The following GK variants were observed in gnomAD, a reference collection of about 807,000 sequenced individuals.
GK encodes ATP:glycerol 3-phosphotransferase.
Under a neutral mutation model 56.4 loss-of-function variants are expected in GK, and 9 were observed. That is an observed-to-expected ratio of 0.16 (90% CI 0.10 to 0.28). The LOEUF (loss-of-function observed/expected upper bound fraction) is 0.28, where lower values mean the gene tolerates loss of function less well. Ranked by LOEUF, GK falls within the 10% of genes least tolerant of loss-of-function variation. The pLI is 1.00. For missense variants in GK, 161 were observed against 431.4 expected, an observed-to-expected ratio of 0.37 and a Z score of 5.55; for synonymous variants, 104 against 144.1, an observed-to-expected ratio of 0.72 and a Z score of 1.99.
intron 5 of GK, among the ~76,000 whole-genome samples, chrX:30,692,840 G>C: frequency 9.2e-6 from 1 of 108,549 alleles, no homozygotes; most frequent in South Asian, 3.9e-4. Context: ...TAATTTACAG[G>C]TTGCATTAAA....
At chrX:30,662,436 T>G (rs981958487) in intron 1 of GK, among the ~76,000 whole-genome samples, 2 of 111,899 alleles carry the variant, frequency 1.8e-5, no homozygotes, top group Non-Finnish European at 3.8e-5. Context: ...TCCTGGTACA[T>G]CCAAATGTTG....
chrX:30,689,754 T>C (rs1361317447), intron 4 of GK: 1 of 237,985 alleles, frequency 4.2e-6, no homozygotes, highest in Non-Finnish European at 8.0e-6. Context: ...TCAGGTACAC[T>C]ACATGGCTGA....
chrX:30,725,916 G>A (rs1446057578), intron 19 of GK, among the ~76,000 whole-genome samples: 7 of 110,815 alleles, frequency 6.3e-5, no homozygotes, highest in Admixed American at 2.9e-4. Flanking sequence ...GCCTCCCAAA[G>A]TGCTGGGATT....
chrX:30,720,595 A>T, intron 16 of GK, 26 bp from the exon 17 acceptor site: 2 of 1,180,511 alleles, frequency 1.7e-6, no homozygotes, highest in Non-Finnish European at 2.3e-6. Flanking sequence ...TAGATTTATA[A>T]CATTAATTGC....
intron 9 of GK, 60 bp from the exon 10 acceptor site, chrX:30,700,354 C>T (rs747303250): frequency 4.6e-5 from 37 of 797,488 alleles, no homozygotes; most frequent in Non-Finnish European, 6.6e-5. Flanking sequence ...CTTGTTGCAG[C>T]TATGTTAGTA....
At chrX:30,692,490 T>C (rs1481593372) in intron 5 of GK, among the ~76,000 whole-genome samples, 1 of 111,230 alleles carries the variant, frequency 9.0e-6, no homozygotes, top group Non-Finnish European at 1.9e-5. Context: ...CTTCCATTTT[T>C]TTTTTCGAGA....
chrX:30,664,714 T>C (rs1932957153), intron 1 of GK, among the ~76,000 whole-genome samples: 1 of 97,562 alleles, frequency 1.0e-5, no homozygotes, highest in South Asian at 5.0e-4. Context: ...TTTTTTTTTT[T>C]TTTTTTTTTT....
At chrX:30,663,802 G>T (rs1284275811) in intron 1 of GK, among the ~76,000 whole-genome samples, 1 of 106,540 alleles carries the variant, frequency 9.4e-6, no homozygotes, top group Admixed American at 1.1e-4. Flanking sequence ...CTTCGCTGCT[G>T]TAATTAGAGT....
intron 1 of GK, among the ~76,000 whole-genome samples, chrX:30,659,014 ATTTC>A (rs757560961): frequency 8.0e-5 from 9 of 111,998 alleles, no homozygotes; most frequent in South Asian, 7.3e-4. Context: ...ATTTACTACA[ATTTC>A]TTTCTTTCTT....
At chrX:30,668,242 A>G in intron 3 of GK, 124 bp downstream of exon 3, 1 of 497,522 alleles carries the variant, frequency 2.0e-6, no homozygotes. Context: ...ACTTGAGGAT[A>G]CAACACTAAA....
chrX:30,701,016 A>G (rs1935624116), intron 11 of GK, 111 bp downstream of exon 11: 2 of 530,963 alleles, frequency 3.8e-6, no homozygotes, highest in Non-Finnish European at 6.9e-6. Flanking sequence ...CAATAGCTTA[A>G]TAGCTCCAAT....
intron 1 of GK, among the ~76,000 whole-genome samples, chrX:30,662,697 C>CTT (rs1932795879): frequency 9.2e-6 from 1 of 108,800 alleles, no homozygotes; most frequent in Admixed American, 1.0e-4. Context: ...TTCTTTCTCT[C>CTT]TCTCTTTCTC....
At chrX:30,724,883 AC>A (rs1937068914) in intron 19 of GK, among the ~76,000 whole-genome samples, 2 of 109,492 alleles carry the variant, frequency 1.8e-5, no homozygotes, top group African/African-American at 6.6e-5. Context: ...TGAAGCATAT[AC>A]TTTTTTTTTT....
intron 19 of GK, among the ~76,000 whole-genome samples, chrX:30,726,149 A>C (rs904154282): frequency 2.7e-5 from 3 of 112,145 alleles, no homozygotes; most frequent in African/African-American, 9.7e-5. Flanking sequence ...TTGATAAAAC[A>C]AACAAAAAAA....
At chrX:30,677,514 A>G (rs1933986015) in intron 4 of GK, 62 bp downstream of exon 4, 6 of 679,334 alleles carry the variant, frequency 8.8e-6, no homozygotes, top group Admixed American at 6.7e-5. Context: ...ATGTGGTCAT[A>G]TTAAAATATC....
rs1344193345 is a variant in GK at position 30,691,104 on chromosome X, A to T, written c.338-19A>T. On this transcript the variant is annotated intron_variant, in intron 4 of 20. Transcript: ENST00000427190. ...TTAAATGAAGTTTTTCATGTATATT[A>T]TTTTATTTTGGTCTATAGTGTGGCT... 1.0e-6 allele frequency: 1 copy of T among 963,032 alleles called. No individual in the cohort carries two copies. The highest frequency in any genetic ancestry group is 2.2e-5 in the Admixed American group (1 of 44,712). The allele number at this position is 963,032 out of a possible 1,213,427, so 79.4% of individuals were successfully genotyped here. A position where few individuals can be genotyped will look rare whatever the true frequency, so the allele number is the denominator to read the frequency against.
At chrX:30,660,749 G>A (rs763432820) in intron 1 of GK, among the ~76,000 whole-genome samples, 15 of 108,133 alleles carry the variant, frequency 1.4e-4, no homozygotes, top group South Asian at 4.0e-4. Context: ...CAAGCATGAC[G>A]TTGTCAACTA....
Position 30,662,709 on chromosome X carries a change from TTTTCTTTC to T in GK, c.79-2781_79-2774del, listed in dbSNP as rs201163775. 1.4e-3 allele frequency among the ~76,000 whole-genome samples: 145 copies of T among 102,748 alleles called. 3 individuals carry two copies. The East Asian group carries it at 0.031, about 22-fold the overall frequency. The allele number at this position is 102,748 out of a possible 115,157, so 89.2% of individuals were successfully genotyped here. A position where few individuals can be genotyped will look rare whatever the true frequency, so the allele number is the denominator to read the frequency against. ...TCTTTCTTTCTCTCTCTCTTTCTCT[TTTTCTTTC>T]TTTCTTTCTTTCTTTCTTTCCTTCT... On this transcript the variant is annotated intron_variant, in intron 1 of 20. Transcript: ENST00000427190.
intron 1 of GK, among the ~76,000 whole-genome samples, chrX:30,663,160 C>A (rs1425247596): frequency 9.0e-6 from 1 of 110,728 alleles, no homozygotes; most frequent in African/African-American, 3.3e-5. Context: ...CGGGCGTCAG[C>A]CACCGCGCCC....
Sources: gnomAD v4.1 joint callset for allele counts (sites outside exome capture counted in the v4.1 genomes callset) on GRCh38, gnomAD v4.1.1 for gene constraint, MANE v1.5 for transcripts, NCBI Gene and HGNC (gene_info 2026-07-23, HGNC 2026-07-21) for gene names.